BCL2: variants seen among roughly 807,000 people sequenced by gnomAD.
BCL2 encodes apoptosis regulator Bcl-2.
A neutral mutation model predicts 14.2 loss-of-function variants in BCL2; 1 was observed. The observed-to-expected ratio is 0.07, with a 90% CI of 0.02 to 0.33. The LOEUF is 0.33. BCL2 is among the 10% of genes least tolerant of loss of function. The probability of loss-of-function intolerance (pLI) is 0.99; values close to 1 mark genes in which losing one functional copy is unlikely to be tolerated. For synonymous variants in BCL2, 151 were observed against 137.2 expected, an observed-to-expected ratio of 1.10 and a Z score of -0.70; for missense variants, 247 against 305.9, an observed-to-expected ratio of 0.81 and a Z score of 1.44.
intron 2 of BCL2, among the ~76,000 whole-genome samples, chr18:63,215,778 G>A (rs1910182855): frequency 6.6e-6 from 1 of 152,124 alleles, no homozygotes; most frequent in Non-Finnish European, 1.5e-5. Flanking sequence ...TGGTGAGATG[G>A]TCCCCAAAAT....
At chr18:63,191,863 T>G (rs964741508) in intron 2 of BCL2, among the ~76,000 whole-genome samples, 2 of 152,230 alleles carry the variant, frequency 1.3e-5, no homozygotes, top group African/African-American at 4.8e-5. Flanking sequence ...GCGTTGAGGC[T>G]GAAATATGAA....
intron 2 of BCL2, among the ~76,000 whole-genome samples, chr18:63,218,659 C>A (rs1910279561): frequency 7.7e-5 from 4 of 52,248 alleles, no homozygotes; most frequent in Non-Finnish European, 8.7e-5. Flanking sequence ...CCACTCATCC[C>A]CATCCTCCAG....
intron 2 of BCL2, among the ~76,000 whole-genome samples, chr18:63,168,120 C>T (rs537199262): frequency 1.1e-4 from 16 of 152,286 alleles, no homozygotes; most frequent in African/African-American, 3.8e-4. Flanking sequence ...GGTGGTTCTG[C>T]CTAAAGGCAG....
At chr18:63,220,380 T>C (rs1314758977) in intron 2 of BCL2, among the ~76,000 whole-genome samples, 1 of 152,122 alleles carries the variant, frequency 6.6e-6, no homozygotes, top group Admixed American at 6.5e-5. Flanking sequence ...GCATGAAAAA[T>C]TTTACAACCA....
At chr18:63,185,678 T>C (rs1354810226) in intron 2 of BCL2, among the ~76,000 whole-genome samples, 1 of 152,244 alleles carries the variant, frequency 6.6e-6, no homozygotes, top group African/African-American at 2.4e-5. Context: ...GGCATTATTC[T>C]AAATGTTTTA....
intron 2 of BCL2, among the ~76,000 whole-genome samples, chr18:63,218,616 C>CCAT (rs1555700965): frequency 2.9e-3 from 2 of 686 alleles, no homozygotes; most frequent in Admixed American, 0.022. Context: ...CCACTCATCC[C>CCAT]CCTCCACTCA....
At chr18:63,164,654 A>G (rs1915000088) in intron 2 of BCL2, among the ~76,000 whole-genome samples, 1 of 152,248 alleles carries the variant, frequency 6.6e-6, no homozygotes, top group Non-Finnish European at 1.5e-5. Flanking sequence ...GCTGTTTTTC[A>G]AAAATCTGGC....
intron 2 of BCL2, among the ~76,000 whole-genome samples, chr18:63,169,817 C>G (rs1164539413): frequency 6.6e-6 from 1 of 152,076 alleles, no homozygotes. Flanking sequence ...GCCACCGTGC[C>G]CAGCGCGTTT....
At chr18:63,265,122 C>T (rs1911788075) in intron 2 of BCL2, among the ~76,000 whole-genome samples, 3 of 152,182 alleles carry the variant, frequency 2.0e-5, no homozygotes, top group Non-Finnish European at 4.4e-5. Context: ...TCAAAATAAA[C>T]AGTGAAGCAA....
intron 2 of BCL2, among the ~76,000 whole-genome samples, chr18:63,306,400 G>T (rs555193711): frequency 1.3e-5 from 2 of 152,270 alleles, no homozygotes; most frequent in East Asian, 1.9e-4. Context: ...GTCTGGAGTG[G>T]AGTCAGGGTG....
intron 2 of BCL2, among the ~76,000 whole-genome samples, chr18:63,154,891 A>G (rs1163702433): frequency 1.3e-5 from 2 of 152,234 alleles, no homozygotes; most frequent in African/African-American, 4.8e-5. Context: ...AACTATTTAA[A>G]CAGGTCCATA....
chr18:63,169,336 C>CCTTCCTTCCTTTCTTTCTTTCTTTCTTT (rs1555697353), intron 2 of BCL2, among the ~76,000 whole-genome samples: 3 of 62,054 alleles, frequency 4.8e-5, no homozygotes, highest in Non-Finnish European at 9.0e-5. Flanking sequence ...TCCTTTCCTT[C>CCTTCCTTCCTTTCTTTCTTTCTTTCTTT]CTTTCTTTCT....
At chr18:63,278,208 A>G (rs938629371) in intron 2 of BCL2, among the ~76,000 whole-genome samples, 1 of 152,228 alleles carries the variant, frequency 6.6e-6, no homozygotes, top group Non-Finnish European at 1.5e-5. Context: ...CTCAGTAGCT[A>G]TTTTTGTAGA....
At chr18:63,201,261 A>C (rs1414248548) in intron 2 of BCL2, among the ~76,000 whole-genome samples, 1 of 152,220 alleles carries the variant, frequency 6.6e-6, no homozygotes, top group Non-Finnish European at 1.5e-5. Flanking sequence ...CCCAATTCTG[A>C]CATTTAAGAC....
chr18:63,264,691 G>A (rs543853490), intron 2 of BCL2, among the ~76,000 whole-genome samples: 5 of 137,342 alleles, frequency 3.6e-5, no homozygotes, highest in East Asian at 4.2e-4. Context: ...AACTGACATC[G>A]TAGAAATTTT....
Position 63,294,431 on chromosome 18 carries a change from G to A in BCL2, c.585+23651C>T, listed in dbSNP as rs534980031. Among the ~76,000 whole-genome samples the A allele has an allele frequency of 3.9e-5, 6 of 152,286 alleles. No homozygotes were observed. The East Asian group carries it at 5.8e-4, about 15-fold the overall frequency. On this transcript the variant is annotated intron_variant, in intron 2 of 2. Transcript: ENST00000333681. Reference sequence around the variant, plus strand: ...CACCTGTAATCCCTGCACTTTGGGAGGCCGAGGCCGGTAGATCATTTGCGG... The same window carrying A: ...CACCTGTAATCCCTGCACTTTGGGAAGCCGAGGCCGGTAGATCATTTGCGG...
intron 2 of BCL2, among the ~76,000 whole-genome samples, chr18:63,167,243 C>G (rs1309678304): frequency 6.6e-6 from 1 of 152,190 alleles, no homozygotes; most frequent in Non-Finnish European, 1.5e-5. Flanking sequence ...TCTCTTTCAT[C>G]TATCTATTCA....
chr18:63,286,621 T>G (rs1255003680), intron 2 of BCL2, among the ~76,000 whole-genome samples: 1 of 152,028 alleles, frequency 6.6e-6, no homozygotes, highest in Non-Finnish European at 1.5e-5. Flanking sequence ...TAGCTTGGTA[T>G]ACAATGACCT....
chr18:63,165,993 A>G (rs7228914), intron 2 of BCL2, among the ~76,000 whole-genome samples: 43,979 of 152,126 alleles, frequency 0.29, 8,833 homozygotes, highest in African/African-American at 0.54. Flanking sequence ...AAGCAAGTCC[A>G]CTGTCATTTT....
Sources: allele counts gnomAD v4.1 joint callset (sites outside exome capture counted in the v4.1 genomes callset), GRCh38; gene constraint gnomAD v4.1.1; transcripts MANE v1.5; gene names NCBI Gene and HGNC (gene_info 2026-07-23, HGNC 2026-07-21).